DOCK9: variants seen among roughly 807,000 people sequenced by gnomAD.
The protein encoded by DOCK9 is dedicator of cytokinesis protein 9.
Under a neutral mutation model 263.3 loss-of-function variants are expected in DOCK9, and 89 were observed. That is an observed-to-expected ratio of 0.34 (90% confidence interval 0.28 to 0.40). The LOEUF (loss-of-function observed/expected upper bound fraction) is 0.40. DOCK9 is among the 10% of genes least tolerant of loss of function. DOCK9 has a pLI of 1.00. For synonymous variants in DOCK9, 976 were observed against 973.1 expected (o/e 1.00, Z -0.06); for missense variants, 2,140 against 2,603.4 (o/e 0.82, Z 3.87).
At chr13:98,920,848 C>G in intron 7 of DOCK9, 106 bp downstream of exon 7, 1 of 1,069,928 alleles carries the variant, frequency 9.3e-7, no homozygotes, top group East Asian at 2.6e-5. Flanking sequence ...TATATTTCTA[C>G]CATGCATATT....
intron 7 of DOCK9, among the ~76,000 whole-genome samples, chr13:98,917,687 TTTTG>T (rs374601678): frequency 2.6e-4 from 40 of 151,992 alleles, no homozygotes; most frequent in African/African-American, 8.9e-4. Context: ...CACAGTGGTA[TTTTG>T]TTTGTTTGCT....
intron 29 of DOCK9, 93 bp downstream of exon 29, chr13:98,867,835 G>C: frequency 8.1e-7 from 1 of 1,228,612 alleles, no homozygotes; most frequent in Non-Finnish European, 1.1e-6. Context: ...AAATTAGTAA[G>C]GCAGAGCTTT....
chr13:98,819,663 C>T (rs1328307986), intron 45 of DOCK9, among the ~76,000 whole-genome samples: 3 of 152,204 alleles, frequency 2.0e-5, no homozygotes, highest in Non-Finnish European at 4.4e-5. Context: ...TGTGGAGAAT[C>T]GCTGTAACAC....
chr13:98,955,671 G>T, intron 1 of DOCK9, 120 bp from the exon 2 acceptor site: 1 of 663,642 alleles, frequency 1.5e-6, no homozygotes, highest in South Asian at 2.4e-5. Flanking sequence ...TGCTAGTTTT[G>T]GTATCACAAA....
chr13:99,087,382 C>A (rs1325522829), upstream of DOCK9, among the ~76,000 whole-genome samples: 1 of 152,202 alleles, frequency 6.6e-6, no homozygotes, highest in African/African-American at 2.4e-5. Flanking sequence ...AACCTGAGGA[C>A]AACGGCCTGG....
At chr13:98,976,103 A>G (rs1393346016) in intron 1 of DOCK9, among the ~76,000 whole-genome samples, 1 of 152,220 alleles carries the variant, frequency 6.6e-6, no homozygotes, top group Non-Finnish European at 1.5e-5. Context: ...GAAGAAGAGA[A>G]ACACTGCCCG....
intron 1 of DOCK9, among the ~76,000 whole-genome samples, chr13:99,011,302 AGACT>A (rs1884434287): frequency 6.6e-6 from 1 of 152,234 alleles, no homozygotes; most frequent in Non-Finnish European, 1.5e-5. Flanking sequence ...GATAAAAAGC[AGACT>A]GATAAAATGG....
chr13:98,931,001 GCAACCATCAC>G (rs1567001183), intron 2 of DOCK9, among the ~76,000 whole-genome samples: 1 of 152,156 alleles, frequency 6.6e-6, no homozygotes, highest in Non-Finnish European at 1.5e-5. Context: ...ACACAATTGT[GCAACCATCAC>G]CACCATCCAT....
At chr13:98,995,179 CTTTG>C (rs1256013061) in intron 1 of DOCK9, among the ~76,000 whole-genome samples, 1 of 152,206 alleles carries the variant, frequency 6.6e-6, no homozygotes, top group East Asian at 1.9e-4. Context: ...CCGAGGAAAT[CTTTG>C]TTTGCAGACT....
chr13:98,909,070 C>T (rs1365547106), intron 9 of DOCK9, among the ~76,000 whole-genome samples: 1 of 152,166 alleles, frequency 6.6e-6, no homozygotes, highest in African/African-American at 2.4e-5. Context: ...CACCCTGTTG[C>T]CACTTTCCTG....
intron 3 of DOCK9, among the ~76,000 whole-genome samples, chr13:98,926,598 G>T (rs1206154134): frequency 6.6e-6 from 1 of 152,166 alleles, no homozygotes; most frequent in South Asian, 2.1e-4. Context: ...GGTGTCCGTC[G>T]TTCATCCACC....
chr13:98,841,487 T>C (rs995165454), intron 38 of DOCK9, among the ~76,000 whole-genome samples: 1 of 152,182 alleles, frequency 6.6e-6, no homozygotes, highest in African/African-American at 2.4e-5. Flanking sequence ...AATGACAGAC[T>C]ACCATATCCA....
In DOCK9 at chr13:98,797,435, T is replaced by C; in HGVS notation, c.5971A>G (p.Lys1991Glu). 6.2e-7 allele frequency: 1 copy of C among 1,613,710 alleles called. No homozygotes were observed. The highest frequency in any genetic ancestry group is 8.5e-7 in the Non-Finnish European group (1 of 1,179,780). Residue 1991 changes from lysine (K) to glutamate (E), a missense_variant, in exon 51 of 53, where the codon AAG (lysine) becomes GAG (glutamate). By Grantham distance (56) the Lys-to-Glu change is moderately conservative (BLOSUM62 1). This residue lies in a region of DOCK9 where 619 missense variants were observed against 861.8 expected (regional missense o/e 0.72). Coordinates refer to ENST00000682017, the MANE Select transcript of DOCK9 (RefSeq NM_001366683.2). ...ARAFLDDTNT[K>E]RYPDNKVKLL... Reference sequence around the variant, plus strand: ...TTCACTTTATTGTCAGGATATCGCTTTGTGTTTGTATCATCTAAGAAAGCT... The same window carrying C: ...TTCACTTTATTGTCAGGATATCGCTCTGTGTTTGTATCATCTAAGAAAGCT...
intron 1 of DOCK9, among the ~76,000 whole-genome samples, chr13:99,077,301 C>T (rs749374024): frequency 2.0e-5 from 3 of 152,090 alleles, no homozygotes; most frequent in South Asian, 2.1e-4. Flanking sequence ...TGGTGGAAGG[C>T]GACTGAATCA....
chr13:98,907,955 A>G (rs2139669043), intron 9 of DOCK9, among the ~76,000 whole-genome samples: 1 of 152,316 alleles, frequency 6.6e-6, no homozygotes, highest in East Asian at 1.9e-4. Context: ...CAACCTTAGG[A>G]GGCAGGTACT....
chr13:98,817,255 T>C (rs2091926985), intron 45 of DOCK9, among the ~76,000 whole-genome samples: 1 of 152,138 alleles, frequency 6.6e-6, no homozygotes, highest in Non-Finnish European at 1.5e-5. Flanking sequence ...GTTTGTTTGT[T>C]TGAGACAGGT....
chr13:98,796,116 T>C lies in DOCK9; in HGVS notation c.6156+999A>G. On this transcript the variant is annotated intron_variant, in intron 52 of 52. Transcript: ENST00000682017. Reference sequence around the variant, plus strand: ...TTCCTCTGCCCATGTACTGTCATTATGCCAATGTCTGTAGTTGCTCAAACT... The same window carrying C: ...TTCCTCTGCCCATGTACTGTCATTACGCCAATGTCTGTAGTTGCTCAAACT... 6.1e-6 allele frequency: 6 copies of C among 978,230 alleles called. No individual in the cohort carries two copies. The South Asian group carries it at 8.4e-5, about 14-fold the overall frequency. The allele number at this position is 978,230 out of a possible 1,614,324, so 60.6% of individuals were successfully genotyped here.
chr13:98,804,764 C>T (rs1347632541), intron 49 of DOCK9, among the ~76,000 whole-genome samples: 1 of 152,140 alleles, frequency 6.6e-6, no homozygotes, highest in Admixed American at 6.5e-5. Context: ...GGGTAAGTGA[C>T]CTTAGATTGG....
chr13:98,860,100 A>C (rs1240124607), intron 33 of DOCK9: 2 of 1,010,606 alleles, frequency 2.0e-6, no homozygotes, highest in Non-Finnish European at 2.5e-6. Flanking sequence ...AATATCCCTT[A>C]ACAGTATACA....
Sources: gnomAD v4.1 joint callset for allele counts (sites outside exome capture counted in the v4.1 genomes callset) on GRCh38, gnomAD v4.1.1 for gene constraint, gnomAD v4.1.1 regional missense constraint, MANE v1.5 for transcripts, NCBI Gene and HGNC (gene_info 2026-07-23, HGNC 2026-07-21) for gene names.